The following KLK13 variants were observed in gnomAD, a reference collection of about 807,000 sequenced individuals.
KLK13 encodes kallikrein related peptidase 13.
A neutral mutation model predicts 22.4 loss-of-function variants in KLK13; 19 were observed. That is an observed-to-expected ratio of 0.85 (90% CI 0.59 to 1.24). The LOEUF (loss-of-function observed/expected upper bound fraction) is 1.24, where lower values mean the gene tolerates loss of function less well. Ranked by LOEUF, KLK13 falls within the 50% of genes most tolerant of loss-of-function variation. The probability of loss-of-function intolerance (pLI) is 0.00; values close to 1 mark genes in which losing one functional copy is unlikely to be tolerated. For missense variants in KLK13, 311 were observed against 347.9 expected, an observed-to-expected ratio of 0.89 and a Z score of 0.84; for synonymous variants, 156 against 141.8, an observed-to-expected ratio of 1.10 and a Z score of -0.71.
chr19:51,058,401 C>T, intron 4 of KLK13, 137 bp downstream of exon 4: 1 of 1,019,716 alleles, frequency 9.8e-7, no homozygotes, highest in Non-Finnish European at 1.4e-6. Flanking sequence ...TTGTCTTGAC[C>T]TCCTATGTGA....
intron 4 of KLK13, among the ~76,000 whole-genome samples, chr19:51,057,238 G>A (rs975828864): frequency 3.3e-5 from 5 of 152,002 alleles, no homozygotes; most frequent in Non-Finnish European, 5.9e-5. Context: ...TGCAACACAC[G>A]TGTAAGTCTA....
intron 1 of KLK13, among the ~76,000 whole-genome samples, chr19:51,061,584 T>G (rs1349279622): frequency 6.6e-6 from 1 of 152,246 alleles, no homozygotes; most frequent in Non-Finnish European, 1.5e-5. Flanking sequence ...CTATTGGTTT[T>G]ATCTCCCAAA....
At chr19:51,064,690 C>T (rs551334281) in intron 1 of KLK13, 1 of 603,926 alleles carries the variant, frequency 1.7e-6, no homozygotes, top group South Asian at 1.5e-5. Context: ...AAAGCAGCTG[C>T]TAGGCTACTG....
rs535052121 is a variant in KLK13, at chr19:51,057,335, C to A, written c.646-560G>T. Among the ~76,000 whole-genome samples the A allele has an allele frequency of 5.3e-5, 8 of 152,304 alleles. 1 individual carries two copies. Among genetic ancestry groups the A allele is most frequent in the South Asian group, 2.1e-4 (1 of 4,824 alleles). ...GTATCATACTCTTTCTCACTGAATC[C>A]AATCTCAACTTCTTTATTGATGAAG... On this transcript the variant is annotated intron_variant, in intron 4 of 4. Coordinates refer to ENST00000595793, the MANE Select transcript of KLK13 (RefSeq NM_015596.3).
chr19:51,060,649 T>A (rs1302505333), intron 1 of KLK13, 30 bp from the exon 2 acceptor site: 1 of 1,545,808 alleles, frequency 6.5e-7, no homozygotes, highest in Non-Finnish European at 8.8e-7. Flanking sequence ...GTTAGAAAAC[T>A]GGGATCCAGG....
rs759916491 is a variant in KLK13, at chr19:51,060,628, G to A, written c.53-9C>T. The A allele has an allele frequency of 1.2e-5, 19 of 1,572,580 alleles. 1 individual carries two copies. The South Asian group carries it at 2.2e-4, about 18-fold the overall frequency. ...AGACTCCTGGGAGACACCTGGTAAA[G>A]AAGAGAGATTGTTAGAAAACTGGGA... On this transcript the variant is annotated splice_polypyrimidine_tract_variant and intron_variant, in intron 1 of 4. Coordinates refer to ENST00000595793, the MANE Select transcript of KLK13 (RefSeq NM_015596.3).
intron 4 of KLK13, among the ~76,000 whole-genome samples, chr19:51,058,055 A>T (rs537783982): frequency 6.6e-6 from 1 of 152,222 alleles, no homozygotes; most frequent in Non-Finnish European, 1.5e-5. Flanking sequence ...AGAGGGTAGG[A>T]TGTAAGCTCA....
At chr19:51,062,973 G>C (rs2091744185) in intron 1 of KLK13, among the ~76,000 whole-genome samples, 1 of 148,808 alleles carries the variant, frequency 6.7e-6, no homozygotes, top group Non-Finnish European at 1.5e-5. Context: ...AGATGGTAGA[G>C]AGATGAGATT....
chr19:51,061,036 C>T (rs528141224), intron 1 of KLK13, among the ~76,000 whole-genome samples: 4 of 152,226 alleles, frequency 2.6e-5, no homozygotes, highest in South Asian at 4.1e-4. Context: ...CCCCATTCAT[C>T]CTATTGATTT....
chr19:51,059,678 G>A, intron 3 of KLK13, 147 bp downstream of exon 3: 1 of 425,882 alleles, frequency 2.3e-6, no homozygotes, highest in South Asian at 1.1e-4. Context: ...TTATATAAAG[G>A]ATACAGCTAA....
rs768227055 is a variant in KLK13, at chr19:51,056,595, G to A, written c.826C>T (p.Pro276Ser). The A allele has an allele frequency of 6.2e-7, 1 of 1,614,074 alleles. No homozygotes were observed. The highest frequency in any genetic ancestry group is 1.1e-5 in the South Asian group (1 of 91,066). ...ETQQQKWLKG[P>S]Q ...GGTACATTTCTCAACTTTTATTGTG[G>A]GCCCTTCAACCATTTTTGCTGCTGG... is the stretch of plus-strand genomic sequence containing the variant. Residue 276 changes from proline to serine, a missense_variant, in exon 5 of 5, where the codon CCA (proline) becomes TCA (serine). By Grantham distance (74) the Pro-to-Ser change is moderately conservative (BLOSUM62 -1). Coordinates refer to ENST00000595793, the MANE Select transcript of KLK13 (RefSeq NM_015596.3).
Position 51,059,972 on chromosome 19 carries a change from G to A in KLK13, c.361C>T (p.His121Tyr), listed in dbSNP as rs200562604. The change falls in exon 3 of 5, where the codon CAC becomes TAC. Residue 121 changes from histidine to tyrosine, a missense_variant. His to Tyr is a moderately conservative substitution (Grantham distance 83, BLOSUM62 2). Transcript: ENST00000595793. ...EYRRSPTHLN[H>Y]DHDIMLLELQ... is the part of the protein sequence containing the mutation. ...TCCAGAAGCATGATGTCATGGTCGT[G>A]GTTCAGGTGGGTGGGGCTTCTCCGG... is the stretch of plus-strand genomic sequence containing the variant. 2.7e-4 allele frequency: 443 copies of A among 1,613,472 alleles called. 1 individual carries two copies. In the Admixed American group the frequency reaches 7.3e-3, roughly 27 times the overall value.
chr19:51,059,745 C>T (rs992254052), intron 3 of KLK13, 80 bp downstream of exon 3: 2 of 1,235,314 alleles, frequency 1.6e-6, no homozygotes, highest in Non-Finnish European at 2.1e-6. Context: ...AGGAACCTAC[C>T]TCAGACCTTC....
At position 51,059,441 on chromosome 19, in the gene KLK13, A is replaced by ATATT. The variant is rs542985558; in HGVS notation, c.508+383_508+384insAATA. 7.0e-4 allele frequency among the ~76,000 whole-genome samples: 103 copies of ATATT among 146,106 alleles called. 1 individual carries two copies. The highest frequency in any genetic ancestry group is 2.5e-3 in the African/African-American group (102 of 40,448). On this transcript the variant is annotated intron_variant, in intron 3 of 4. Transcript: ENST00000595793. ...AATATATAATTTAAATATAGATTAT[A>ATATT]TATAATATATACATTATGCAGAAAT...
intron 1 of KLK13, chr19:51,064,717 T>A: frequency 1.6e-6 from 1 of 627,990 alleles, no homozygotes; most frequent in South Asian, 1.5e-5. Flanking sequence ...AGCGGCAGCG[T>A]CAGGACGCGA....
rs756143724 is a variant in KLK13 at position 51,060,553 on chromosome 19, T to C, written c.119A>G (p.Tyr40Cys). ...NGTSGFLPGG[Y>C]TCFPHSQPWQ... ...GGGCTGAGAGTGGGGGAAGCAGGTG[T>C]AGCCACCTGGGAGAAACCCACTGGT... The change falls in exon 2 of 5, where the codon TAC becomes TGC. Residue 40 changes from tyrosine (Y) to cysteine (C), a missense_variant. Physicochemically the swap from Tyr to Cys is radical, Grantham distance 194. Coordinates refer to ENST00000595793, the MANE Select transcript of KLK13 (RefSeq NM_015596.3). 3 of 1,613,754 alleles carry C rather than the reference T, an allele frequency of 1.9e-6. No individual in the cohort carries two copies. The highest frequency in any genetic ancestry group is 1.7e-4 in the Middle Eastern group (1 of 6,040).
At chr19:51,062,778 C>G (rs4575635) in intron 1 of KLK13, among the ~76,000 whole-genome samples, 75,207 of 152,014 alleles carry the variant, frequency 0.49, 19,704 homozygotes, top group Middle Eastern at 0.64. Context: ...CATTTCAAAC[C>G]GTGCAGCACA....
intron 1 of KLK13, 96 bp from the exon 2 acceptor site, chr19:51,060,715 T>C: frequency 1.1e-6 from 1 of 906,704 alleles, no homozygotes; most frequent in Non-Finnish European, 1.7e-6. Context: ...GTCGGATTAT[T>C]GCCCTGGGTG....
chr19:51,061,312 T>C (rs1349907164), intron 1 of KLK13, among the ~76,000 whole-genome samples: 2 of 152,184 alleles, frequency 1.3e-5, no homozygotes, highest in Non-Finnish European at 2.9e-5. Context: ...CTCTCTATCC[T>C]TTCACTGCAT....
Sources: allele counts gnomAD v4.1 joint callset (sites outside exome capture counted in the v4.1 genomes callset), GRCh38; gene constraint gnomAD v4.1.1; transcripts MANE v1.5; gene names NCBI Gene and HGNC (gene_info 2026-07-23, HGNC 2026-07-21).